The following COL6A5 variants were observed in gnomAD, a reference collection of about 807,000 sequenced individuals.
COL6A5 encodes collagen type VI alpha 5 chain, also known as collagen alpha-5(VI) chain.
COL6A5 carries 48 observed loss-of-function variants against 65.6 expected under a neutral mutation model. The observed-to-expected ratio is 0.73, with a 90% CI of 0.58 to 0.93. COL6A5 has a LOEUF of 0.93. Among genes scored for constraint, COL6A5 ranks in the 40% least tolerant of loss-of-function variants. COL6A5 has a pLI of 0.00. For synonymous variants in COL6A5, 291 were observed against 322.8 expected, an observed-to-expected ratio of 0.90 and a Z score of 1.05; for missense variants, 914 against 928.3, an observed-to-expected ratio of 0.98 and a Z score of 0.20.
At chr3:130,472,832 CATATATATATAT>C (rs10654631) in intron 7 of COL6A5, among the ~76,000 whole-genome samples, 8 of 99,404 alleles carry the variant, frequency 8.0e-5, no homozygotes, top group East Asian at 3.6e-4. Flanking sequence ...TGTGTGTATA[CATATATATATAT>C]ATATATATAT....
chr3:130,440,693 A>AAG lies in COL6A5; in HGVS notation c.1109_1110insAG (p.Thr371LysfsTer10). On this transcript the variant is annotated frameshift_variant, in exon 3 of 8. Coordinates refer to ENST00000512836, the Ensembl canonical transcript of COL6A5. LOFTEE classifies it high-confidence loss of function. ...CATATTTGTGATTTCTCTGGGCTCT[A>AAG]CACGTAAGGATGACATGGAGGAGTT... is the stretch of plus-strand genomic sequence containing the variant. The AAG allele has an allele frequency of 6.2e-7, 1 of 1,613,606 alleles. No individual in the cohort carries two copies. The highest frequency in any genetic ancestry group is 8.5e-7 in the Non-Finnish European group (1 of 1,179,716).
intron 10 of COL6A5, among the ~76,000 whole-genome samples, chr3:130,400,636 T>C (rs1456816166): frequency 6.6e-6 from 1 of 152,192 alleles, no homozygotes; most frequent in African/African-American, 2.4e-5. Context: ...TTAATGTACA[T>C]TCAGGAAAAT....
chr3:130,406,153 T>C, exon 16 of COL6A5: 2 of 1,550,344 alleles, frequency 1.3e-6, no homozygotes, highest in Non-Finnish European at 8.7e-7. Flanking sequence ...GACGATGGGA[T>C]TGATGGACTT....
chr3:130,447,700 A>T (rs1017045270), intron 4 of COL6A5, among the ~76,000 whole-genome samples: 1 of 152,224 alleles, frequency 6.6e-6, no homozygotes, highest in Non-Finnish European at 1.5e-5. Flanking sequence ...GGCATGTACA[A>T]CATAAGTGGA....
intron 27 of COL6A5, 122 bp from the exon 28 acceptor site, chr3:130,422,598 A>G (rs1425878929): frequency 1.6e-6 from 1 of 628,016 alleles, no homozygotes; most frequent in East Asian, 3.0e-5. Context: ...TTAATGTTGT[A>G]TTGGCCTTCA....
At chr3:130,436,028 G>T (rs1044554197) in intron 1 of COL6A5, among the ~76,000 whole-genome samples, 1 of 152,026 alleles carries the variant, frequency 6.6e-6, no homozygotes, top group African/African-American at 2.4e-5. Context: ...CCAATCTCAA[G>T]TGGAATTTAA....
chr3:130,426,508 G>A (rs987768494), upstream of COL6A5: 3 of 1,137,056 alleles, frequency 2.6e-6, no homozygotes, highest in Non-Finnish European at 3.9e-6. Flanking sequence ...TTCACTGGTG[G>A]GAAGCCTCTG....
chr3:130,479,757 A>G (rs1050829690), intron 7 of COL6A5, among the ~76,000 whole-genome samples: 3 of 152,172 alleles, frequency 2.0e-5, no homozygotes, highest in Non-Finnish European at 4.4e-5. Context: ...CAAAAAATAT[A>G]CTAATAATGT....
intron 4 of COL6A5, among the ~76,000 whole-genome samples, chr3:130,383,525 C>G (rs1325865328): frequency 6.6e-6 from 1 of 151,910 alleles, no homozygotes. Context: ...TGGGATCAAC[C>G]CTGTCTTTTG....
intron 8 of COL6A5, 146 bp downstream of exon 8, chr3:130,395,611 A>T: frequency 1.4e-6 from 1 of 728,214 alleles, no homozygotes; most frequent in Non-Finnish European, 2.3e-6. Flanking sequence ...ATGAGAAGAG[A>T]CTTCTCTGCT....
intron 3 of COL6A5, 78 bp downstream of exon 3, chr3:130,376,914 A>G: frequency 7.1e-7 from 1 of 1,410,368 alleles, no homozygotes; most frequent in Non-Finnish European, 9.4e-7. Flanking sequence ...CTTGCAACTC[A>G]TGTTAGGTTT....
chr3:130,353,834 G>A (rs138803586), intron 1 of COL6A5, among the ~76,000 whole-genome samples: 14 of 151,980 alleles, frequency 9.2e-5, no homozygotes, highest in Middle Eastern at 6.8e-3. Flanking sequence ...AATTTTGGAG[G>A]AATAGAAGAA....
chr3:130,348,838 C>T (rs1005648079), intron 1 of COL6A5, among the ~76,000 whole-genome samples: 19 of 152,174 alleles, frequency 1.2e-4, no homozygotes, highest in African/African-American at 4.3e-4. Context: ...GATGGTATCT[C>T]ATTGTGGTTT....
intron 3 of COL6A5, among the ~76,000 whole-genome samples, chr3:130,377,767 CATATA>C (rs1306449587): frequency 6.6e-6 from 1 of 152,114 alleles, no homozygotes; most frequent in Non-Finnish European, 1.5e-5. Flanking sequence ...TAGTGTCTAT[CATATA>C]ATATGAATGA....
intron 8 of COL6A5, among the ~76,000 whole-genome samples, chr3:130,395,784 T>G (rs764432598): frequency 6.6e-6 from 1 of 152,200 alleles, no homozygotes; most frequent in Admixed American, 6.5e-5. Context: ...ATTTCTGTCC[T>G]CCTAGTAAAT....
At chr3:130,418,670 C>G (rs917917960) in intron 24 of COL6A5, among the ~76,000 whole-genome samples, 199 bp from the exon 25 acceptor site, 3 of 152,058 alleles carry the variant, frequency 2.0e-5, no homozygotes, top group Non-Finnish European at 4.4e-5. Context: ...AAGCAGCACA[C>G]CAGTCCAGCT....
At chr3:130,362,551 G>A (rs1043643849) in intron 1 of COL6A5, among the ~76,000 whole-genome samples, 2 of 151,876 alleles carry the variant, frequency 1.3e-5, no homozygotes, top group Non-Finnish European at 2.9e-5. Flanking sequence ...AGAAGGTCTT[G>A]AAGTCAGGAA....
At chr3:130,418,765 C>T (rs1937435053) in intron 24 of COL6A5, 104 bp from the exon 25 acceptor site, 3 of 854,726 alleles carry the variant, frequency 3.5e-6, no homozygotes, top group Non-Finnish European at 1.9e-6. Flanking sequence ...GCACTGACCC[C>T]TCACTGAGAA....
chr3:130,441,810 C>T (rs1367112088), intron 3 of COL6A5, among the ~76,000 whole-genome samples: 1 of 152,162 alleles, frequency 6.6e-6, no homozygotes, highest in Non-Finnish European at 1.5e-5. Context: ...AAGAATAATA[C>T]ATCCCCAAAA....
Sources: allele counts gnomAD v4.1 joint callset (sites outside exome capture counted in the v4.1 genomes callset), GRCh38; gene constraint gnomAD v4.1.1; transcripts MANE v1.5; gene names NCBI Gene and HGNC (gene_info 2026-07-23, HGNC 2026-07-21).